PRKAR2B: variants seen among roughly 807,000 people sequenced by gnomAD.
PRKAR2B encodes cAMP-dependent protein kinase type II-beta regulatory subunit.
A neutral mutation model predicts 49.9 loss-of-function variants in PRKAR2B; 14 were observed. The ratio of observed to expected loss-of-function variants is 0.28; its 90% CI spans 0.19 to 0.44. The LOEUF (loss-of-function observed/expected upper bound fraction) is 0.44, where lower values mean the gene tolerates loss of function less well. PRKAR2B is among the 20% of genes least tolerant of loss of function. The pLI is 1.00. For missense variants in PRKAR2B, 393 were observed against 537.9 expected (o/e 0.73, Z 2.67); for synonymous variants, 196 against 197.7 (o/e 0.99, Z 0.07).
intron 2 of PRKAR2B, among the ~76,000 whole-genome samples, chr7:107,094,775 C>T (rs1045751629): frequency 3.3e-5 from 5 of 152,158 alleles, no homozygotes; most frequent in Non-Finnish European, 5.9e-5. Flanking sequence ...ATCCTTTCCC[C>T]ATTTCTTGTT....
chr7:107,096,377 A>T lies in PRKAR2B; in HGVS notation c.344-25575A>T, dbSNP rs191690961. Among the ~76,000 whole-genome samples, 1,062 of 151,186 alleles carry T rather than the reference A, an allele frequency of 7.0e-3. 7 individuals carry two copies. The highest frequency in any genetic ancestry group is 0.012 in the Non-Finnish European group (831 of 67,782). On this transcript the variant is annotated intron_variant, in intron 2 of 10. Coordinates refer to ENST00000265717, the MANE Select transcript of PRKAR2B (RefSeq NM_002736.3). ...CCCTTTATCATTTTTTATTGCATCTATTTGATTCTTCTCTCTTTTATTCTT... is the reference window on the plus strand; with the variant it reads ...CCCTTTATCATTTTTTATTGCATCTTTTTGATTCTTCTCTCTTTTATTCTT...
chr7:107,126,354 G>A (rs1191215469), intron 3 of PRKAR2B, among the ~76,000 whole-genome samples: 1 of 147,902 alleles, frequency 6.8e-6, no homozygotes, highest in Non-Finnish European at 1.5e-5. Flanking sequence ...CCGGGAGGCG[G>A]AGATTGCAGT....
At chr7:107,131,370 G>A (rs559137594) in intron 4 of PRKAR2B, among the ~76,000 whole-genome samples, 3 of 152,148 alleles carry the variant, frequency 2.0e-5, no homozygotes, top group Admixed American at 1.3e-4. Flanking sequence ...GAAAATTTTG[G>A]TTGCATTTTA....
intron 2 of PRKAR2B, among the ~76,000 whole-genome samples, chr7:107,074,635 C>T (rs1794357906): frequency 6.6e-6 from 1 of 151,690 alleles, no homozygotes; most frequent in East Asian, 2.0e-4. Context: ...GCTGTCTCTA[C>T]TAAAAATACA....
chr7:107,070,275 T>C lies in PRKAR2B; in HGVS notation c.308-6T>C. 1 of 1,605,900 alleles carries C rather than the reference T, an allele frequency of 6.2e-7. No individual in the cohort carries two copies. Among genetic ancestry groups the C allele is most frequent in the Admixed American group, 1.7e-5 (1 of 59,628 alleles). ...TCTAATCATATTATTCTGCTTTTTCTTTTAGCTCCAGTAATAAACCGATTC... is the reference window on the plus strand; with the variant it reads ...TCTAATCATATTATTCTGCTTTTTCCTTTAGCTCCAGTAATAAACCGATTC... On this transcript the variant is annotated splice_region_variant and splice_polypyrimidine_tract_variant and intron_variant, in intron 1 of 10. Coordinates refer to ENST00000265717, the MANE Select transcript of PRKAR2B (RefSeq NM_002736.3).
intron 7 of PRKAR2B, among the ~76,000 whole-genome samples, chr7:107,152,133 CAT>C (rs1795999851): frequency 6.6e-6 from 1 of 152,214 alleles, no homozygotes; most frequent in African/African-American, 2.4e-5. Context: ...AGCACTGACT[CAT>C]ATGAACCACC....
intron 2 of PRKAR2B, among the ~76,000 whole-genome samples, chr7:107,094,601 G>T (rs1402255633): frequency 3.3e-5 from 5 of 152,156 alleles, no homozygotes; most frequent in Non-Finnish European, 5.9e-5. Flanking sequence ...GTCCTGAATG[G>T]TACTGGCTAG....
rs2536494 is a variant in PRKAR2B, at chr7:107,052,190, G to A, written c.307+6976G>A. On this transcript the variant is annotated intron_variant, in intron 1 of 10. Transcript: ENST00000265717. ...TCCCAGCACTCTGGGAGGCCGATGC[G>A]GGCGGATCACCTGAGGTCAGGAATA... Among the ~76,000 whole-genome samples, 10 of 151,964 alleles carry A rather than the reference G, an allele frequency of 6.6e-5. 1 individual carries two copies. Among genetic ancestry groups the A allele is most frequent in the Admixed American group, 1.3e-4 (2 of 15,264 alleles).
At chr7:107,046,807 G>C (rs968565854) in intron 1 of PRKAR2B, among the ~76,000 whole-genome samples, 3 of 151,060 alleles carry the variant, frequency 2.0e-5, no homozygotes, top group Non-Finnish European at 4.4e-5. Context: ...GAGAAAACTA[G>C]GAACTAAGGG....
intron 4 of PRKAR2B, among the ~76,000 whole-genome samples, chr7:107,132,041 T>C (rs1333615780): frequency 6.6e-6 from 1 of 152,140 alleles, no homozygotes; most frequent in African/African-American, 2.4e-5. Context: ...GCAAAGCATG[T>C]TGGGAAAACA....
chr7:107,123,248 A>G (rs943718573), intron 3 of PRKAR2B, among the ~76,000 whole-genome samples: 2 of 152,210 alleles, frequency 1.3e-5, no homozygotes, highest in Admixed American at 1.3e-4. Flanking sequence ...GCAGTATCTC[A>G]TTGATTCAAA....
In PRKAR2B at chr7:107,093,938, T is replaced by A. The variant is rs1184526054; in HGVS notation, c.343+23622T>A. Among the ~76,000 whole-genome samples, 4 of 152,286 alleles carry A rather than the reference T, an allele frequency of 2.6e-5. No homozygotes were observed. In the East Asian group the frequency reaches 7.7e-4, roughly 29 times the overall value. On this transcript the variant is annotated intron_variant, in intron 2 of 10. Transcript: ENST00000265717. ...GATGGACATTTGGGTTGGTTCCAAG[T>A]CTTTGCTATTGTGAATAGTGCCGCA...
chr7:107,149,912 C>G (rs558552185), intron 6 of PRKAR2B, among the ~76,000 whole-genome samples: 63 of 152,134 alleles, frequency 4.1e-4, no homozygotes, highest in Non-Finnish European at 8.4e-4. Flanking sequence ...ACCCCATTCT[C>G]TATGATGTGC....
At chr7:107,101,976 A>G (rs1794976224) in intron 2 of PRKAR2B, among the ~76,000 whole-genome samples, 1 of 147,034 alleles carries the variant, frequency 6.8e-6, no homozygotes, top group African/African-American at 2.6e-5. Context: ...TTGTGCTTCT[A>G]AAGATAGTTT....
chr7:107,076,467 A>G (rs1389334294), intron 2 of PRKAR2B, among the ~76,000 whole-genome samples: 1 of 152,096 alleles, frequency 6.6e-6, no homozygotes, highest in African/African-American at 2.4e-5. Context: ...TTTGAAGGTT[A>G]TTCCTAACCA....
chr7:107,151,346 T>TGAG (rs1795983172), intron 7 of PRKAR2B, among the ~76,000 whole-genome samples: 1 of 152,214 alleles, frequency 6.6e-6, no homozygotes, highest in Non-Finnish European at 1.5e-5. Context: ...CAGTGAGGCG[T>TGAG]TCTCTAGATA....
chr7:107,068,723 G>A (rs1295551954), intron 1 of PRKAR2B: 1 of 152,034 alleles, frequency 6.6e-6, no homozygotes, highest in Non-Finnish European at 1.5e-5. Flanking sequence ...TCATAATGAA[G>A]ATCATGAAGG....
chr7:107,045,894 G>A (rs143782681), intron 1 of PRKAR2B, among the ~76,000 whole-genome samples: 1 of 152,236 alleles, frequency 6.6e-6, no homozygotes, highest in East Asian at 1.9e-4. Context: ...ATGGGTTAAT[G>A]GTTTGCTTTT....
At chr7:107,122,762 G>A (rs926492870) in intron 3 of PRKAR2B, among the ~76,000 whole-genome samples, 3 of 152,116 alleles carry the variant, frequency 2.0e-5, no homozygotes, top group East Asian at 1.9e-4. Context: ...CAGCTACTAC[G>A]TCCCTAAGTC....
Sources: allele counts gnomAD v4.1 joint callset (sites outside exome capture counted in the v4.1 genomes callset), GRCh38; gene constraint gnomAD v4.1.1; transcripts MANE v1.5; gene names NCBI Gene and HGNC (gene_info 2026-07-23, HGNC 2026-07-21).